The following PPP3CA variants were observed in gnomAD, a reference collection of about 807,000 sequenced individuals.
The protein encoded by PPP3CA is CAM-PRP catalytic subunit.
Under a neutral mutation model 66.5 loss-of-function variants are expected in PPP3CA, and 14 were observed. The observed-to-expected ratio is 0.21, with a 90% CI of 0.14 to 0.33. PPP3CA has a LOEUF of 0.33. Ranked by LOEUF, PPP3CA falls within the 10% of genes least tolerant of loss-of-function variation. The pLI is 1.00. For synonymous variants in PPP3CA, 232 were observed against 226.2 expected, an observed-to-expected ratio of 1.03 and a Z score of -0.23; for missense variants, 317 against 639.5, an observed-to-expected ratio of 0.50 and a Z score of 5.44.
chr4:101,197,919 T>C (rs886899054), intron 1 of PPP3CA, among the ~76,000 whole-genome samples: 4 of 152,194 alleles, frequency 2.6e-5, no homozygotes, highest in African/African-American at 9.6e-5. Context: ...TCCCAGAAAG[T>C]ACTCGATAGG....
intron 1 of PPP3CA, among the ~76,000 whole-genome samples, chr4:101,292,415 C>T (rs1728056792): frequency 6.6e-6 from 1 of 152,268 alleles, no homozygotes; most frequent in African/African-American, 2.4e-5. Flanking sequence ...CAGAAGAGCT[C>T]GTCCTAAACC....
intron 7 of PPP3CA, among the ~76,000 whole-genome samples, chr4:101,081,728 C>G (rs541482075): frequency 6.6e-6 from 1 of 152,264 alleles, no homozygotes; most frequent in South Asian, 2.1e-4. Context: ...TTTAAAAACA[C>G]TGTGAGTCCT....
intron 10 of PPP3CA, among the ~76,000 whole-genome samples, chr4:101,044,963 T>C (rs1460090175): frequency 2.0e-5 from 3 of 152,200 alleles, no homozygotes; most frequent in African/African-American, 7.2e-5. Context: ...TGGGGGCAAG[T>C]GCTTGGCTGA....
intron 1 of PPP3CA, among the ~76,000 whole-genome samples, chr4:101,246,326 G>C (rs1417360594): frequency 6.6e-6 from 1 of 152,138 alleles, no homozygotes; most frequent in East Asian, 1.9e-4. Context: ...TTTAAGAGAG[G>C]AAGGGGCCAA....
At chr4:101,133,691 G>A (rs188947012) in intron 2 of PPP3CA, among the ~76,000 whole-genome samples, 41 of 152,236 alleles carry the variant, frequency 2.7e-4, no homozygotes, top group East Asian at 1.9e-3. Context: ...TAGATTCAAT[G>A]CTATTCCCAT....
At chr4:101,266,321 C>T (rs1360323079) in intron 1 of PPP3CA, among the ~76,000 whole-genome samples, 1 of 152,042 alleles carries the variant, frequency 6.6e-6, no homozygotes, top group Non-Finnish European at 1.5e-5. Flanking sequence ...TTATATCTTA[C>T]ATCATAAGTA....
intron 2 of PPP3CA, among the ~76,000 whole-genome samples, chr4:101,177,880 C>T (rs1237381942): frequency 6.6e-6 from 1 of 151,270 alleles, no homozygotes; most frequent in Non-Finnish European, 1.5e-5. Flanking sequence ...ATCCAGAGTA[C>T]ACTACTATAT....
chr4:101,099,635 C>T lies in PPP3CA; in HGVS notation c.472G>A (p.Glu158Lys). 6.3e-7 allele frequency: 1 copy of T among 1,586,878 alleles called. No homozygotes were observed. Among genetic ancestry groups the T allele is most frequent in the Non-Finnish European group, 8.6e-7 (1 of 1,164,646 alleles). Reference sequence around the variant, plus strand: ...CATTCTTGTTTAAATGTGAAATACTCTGTTAGATGTCTACATTCATGATTT... The same window carrying T: ...CATTCTTGTTTAAATGTGAAATACTTTGTTAGATGTCTACATTCATGATTT... Reference protein sequence around the residue: ...RGNHECRHLTEYFTFKQECKI... With the variant: ...RGNHECRHLTKYFTFKQECKI... Residue 158 changes from glutamate (E) to lysine (K), a missense_variant, in exon 4 of 14, where the codon GAG becomes AAG. Physicochemically the swap from Glu to Lys is moderately conservative, Grantham distance 56. This residue lies in a region of PPP3CA where 201 missense variants were observed against 501.4 expected (regional missense o/e 0.40). Transcript: ENST00000394854.
chr4:101,232,853 T>C (rs1173504309), intron 1 of PPP3CA, among the ~76,000 whole-genome samples: 6 of 151,758 alleles, frequency 4.0e-5, no homozygotes, highest in Non-Finnish European at 7.4e-5. Flanking sequence ...TTTTCCATTT[T>C]TAATGGTCTA....
rs183763771 is a variant in PPP3CA at position 101,179,343 on chromosome 4, C to A, written c.259+16573G>T. On this transcript the variant is annotated intron_variant, in intron 2 of 13. Coordinates refer to ENST00000394854, the MANE Select transcript of PPP3CA (RefSeq NM_000944.5). ...GGATACCATCCCAAGGAAATTATTA[C>A]CTTGCTGAAAAAGTTAACTGAAAAA... Among the ~76,000 whole-genome samples the A allele has an allele frequency of 2.4e-3, 369 of 152,150 alleles. 6 individuals carry two copies. The highest frequency in any genetic ancestry group is 0.016 in the Admixed American group (250 of 15,242).
chr4:101,055,399 A>T (rs1728184258), intron 10 of PPP3CA, among the ~76,000 whole-genome samples: 1 of 152,170 alleles, frequency 6.6e-6, no homozygotes, highest in Non-Finnish European at 1.5e-5. Flanking sequence ...AATTGAAACC[A>T]GACTATCATT....
intron 9 of PPP3CA, 87 bp from the exon 10 acceptor site, chr4:101,061,248 G>A (rs966976278): frequency 2.7e-6 from 3 of 1,106,490 alleles, no homozygotes; most frequent in African/African-American, 3.1e-5. Flanking sequence ...AGCAAACTTA[G>A]CAATAACATT....
chr4:101,291,425 T>C (rs191721676), intron 1 of PPP3CA, among the ~76,000 whole-genome samples: 1 of 152,128 alleles, frequency 6.6e-6, no homozygotes, highest in Non-Finnish European at 1.5e-5. Flanking sequence ...CATCACTATG[T>C]CCTTGTTCCA....
In PPP3CA at chr4:101,196,090, G is replaced by T; in HGVS notation, c.85C>A (p.Leu29Ile). The T allele has an allele frequency of 6.2e-7, 1 of 1,613,884 alleles. No homozygotes were observed. The highest frequency in any genetic ancestry group is 8.5e-7 in the Non-Finnish European group (1 of 1,179,938). ...KAVPFPPSHR[L>I]TAKEVFDNDG... ...TTATCAAACACTTCTTTTGCTGTAAGCCGGTGACTTGGAGGAAATGGAACA... is the reference window on the plus strand; with the variant it reads ...TTATCAAACACTTCTTTTGCTGTAATCCGGTGACTTGGAGGAAATGGAACA... The change falls in exon 2 of 14, where the codon CTT becomes ATT. Residue 29 changes from leucine to isoleucine, a missense_variant. Leu to Ile is a conservative substitution (Grantham distance 5, BLOSUM62 2). Coordinates refer to ENST00000394854, the MANE Select transcript of PPP3CA (RefSeq NM_000944.5).
intron 1 of PPP3CA, among the ~76,000 whole-genome samples, chr4:101,294,865 TA>T (rs1048417511): frequency 0.011 from 1,483 of 140,624 alleles, 18 homozygotes; most frequent in African/African-American, 0.034. Flanking sequence ...CAGAAACCAC[TA>T]AAAAAAAAAA....
Position 101,298,339 on chromosome 4 carries a change from G to GATATATAT in PPP3CA, c.58+48392_58+48399dup, listed in dbSNP as rs3078022. Among the ~76,000 whole-genome samples the GATATATAT allele has an allele frequency of 4.2e-3, 601 of 143,774 alleles. 3 individuals are homozygous for GATATATAT. The highest frequency in any genetic ancestry group is 0.014 in the African/African-American group (559 of 39,238). 94.3% of individuals were successfully genotyped at this position (143,774 alleles called of 152,430 possible). A position where few individuals can be genotyped will look rare whatever the true frequency, so the allele number is the denominator to read the frequency against. The stretch of plus-strand genomic sequence containing the variant: ...TAACAATACCTATACCAAGCAGGGA[G>GATATATAT]ATATATATATATATATATATATTAC... On this transcript the variant is annotated intron_variant, in intron 1 of 13. Transcript: ENST00000394854.
chr4:101,085,733 T>C (rs556897903), intron 6 of PPP3CA, among the ~76,000 whole-genome samples: 2 of 152,214 alleles, frequency 1.3e-5, no homozygotes, highest in African/African-American at 4.8e-5. Flanking sequence ...AAGTTTCTAA[T>C]AGTATTAGAA....
At chr4:101,293,922 A>T (rs546815850) in intron 1 of PPP3CA, among the ~76,000 whole-genome samples, 4 of 152,190 alleles carry the variant, frequency 2.6e-5, no homozygotes, top group Non-Finnish European at 5.9e-5. Context: ...ATCAGACACT[A>T]GGAACGGGCC....
At chr4:101,128,687 T>TTGA (rs1722326124) in intron 2 of PPP3CA, among the ~76,000 whole-genome samples, 1 of 152,018 alleles carries the variant, frequency 6.6e-6, no homozygotes, top group Non-Finnish European at 1.5e-5. Context: ...CTTGAGGAAC[T>TTGA]GTGCTGTGAG....
Sources: allele counts gnomAD v4.1 joint callset (sites outside exome capture counted in the v4.1 genomes callset), GRCh38; gene constraint gnomAD v4.1.1; regional missense constraint gnomAD v4.1.1; transcripts MANE v1.5; gene names NCBI Gene and HGNC (gene_info 2026-07-23, HGNC 2026-07-21).